The following SERINC5 variants were observed in gnomAD, a reference collection of about 807,000 sequenced individuals.
The protein encoded by SERINC5 is serine incorporator 5, also known as chromosome 5 open reading frame 12.
SERINC5 carries 41 observed loss-of-function variants against 63.1 expected under a neutral mutation model. That is an observed-to-expected ratio of 0.65 (90% confidence interval 0.51 to 0.84). The LOEUF (loss-of-function observed/expected upper bound fraction) is 0.84, where lower values mean the gene tolerates loss of function less well. Ranked by LOEUF, SERINC5 falls within the 40% of genes least tolerant of loss-of-function variation. The pLI is 0.00. For synonymous variants in SERINC5, 222 were observed against 215.2 expected, an observed-to-expected ratio of 1.03 and a Z score of -0.28; for missense variants, 523 against 573.0, an observed-to-expected ratio of 0.91 and a Z score of 0.89.
At chr5:80,170,250 A>G (rs1260015517) in intron 5 of SERINC5, among the ~76,000 whole-genome samples, 4 of 152,346 alleles carry the variant, frequency 2.6e-5, no homozygotes, top group African/African-American at 4.8e-5. Context: ...CTGCAATTCC[A>G]TGGACAGGGA....
chr5:80,207,091 T>C (rs777841390), intron 1 of SERINC5, among the ~76,000 whole-genome samples: 1 of 152,092 alleles, frequency 6.6e-6, no homozygotes, highest in African/African-American at 2.4e-5. Flanking sequence ...CTCCGCCTCC[T>C]GGGTTCACAC....
At chr5:80,132,758 C>T (rs1232617456) in intron 11 of SERINC5, among the ~76,000 whole-genome samples, 1 of 152,118 alleles carries the variant, frequency 6.6e-6, no homozygotes, top group African/African-American at 2.4e-5. Flanking sequence ...AGCCACCGTG[C>T]CTGGCCCTTA....
Position 80,141,297 on chromosome 5 carries a change from C to T in SERINC5, c.*2366G>A. 4 of 985,422 alleles carry T rather than the reference C, an allele frequency of 4.1e-6. No homozygotes were observed. Among genetic ancestry groups the T allele is most frequent in the Non-Finnish European group, 4.8e-6 (4 of 829,946 alleles). 61.0% of individuals were successfully genotyped at this position (985,422 alleles called of 1,614,324 possible). On this transcript the variant is annotated 3_prime_UTR_variant, in exon 12 of 12. Coordinates refer to ENST00000507668, the MANE Select transcript of SERINC5 (RefSeq NM_001174072.3). Reference sequence around the variant, plus strand: ...AAACCAGACTCACGCATCTGGAAAACGTTGTGTGGCTGGGCTGGCTCCAGA... The same window carrying T: ...AAACCAGACTCACGCATCTGGAAAATGTTGTGTGGCTGGGCTGGCTCCAGA...
Position 80,255,951 on chromosome 5 carries a change from G to A in SERINC5, c.-29C>T. ...GGCGGCCAATGCCGAAGGCGCGCTC[G>A]CTGGCTCCCCGCGCCGCACGGGCCC... On this transcript the variant is annotated 5_prime_UTR_variant, in exon 1 of 12. Transcript: ENST00000507668. The A allele has an allele frequency of 1.3e-6, 2 of 1,526,912 alleles. No homozygotes were observed. The highest frequency in any genetic ancestry group is 1.7e-6 in the Non-Finnish European group (2 of 1,145,846). 94.6% of individuals were successfully genotyped at this position (1,526,912 alleles called of 1,614,324 possible).
chr5:80,213,506 G>A (rs1173883075), intron 1 of SERINC5, among the ~76,000 whole-genome samples: 5 of 152,132 alleles, frequency 3.3e-5, no homozygotes, highest in African/African-American at 7.2e-5. Flanking sequence ...TGGCATAAGC[G>A]CATGAACAAG....
chr5:80,211,500 T>G (rs1287740320), intron 1 of SERINC5, among the ~76,000 whole-genome samples: 1 of 152,204 alleles, frequency 6.6e-6, no homozygotes, highest in Non-Finnish European at 1.5e-5. Context: ...TGCCCAAACC[T>G]TGATGAGATC....
At chr5:80,138,468 T>C (rs1242912052), downstream of SERINC5, among the ~76,000 whole-genome samples, 1 of 151,938 alleles carries the variant, frequency 6.6e-6, no homozygotes, top group Non-Finnish European at 1.5e-5. Context: ...TGATAGCACA[T>C]GCCTGTAATC....
intron 11 of SERINC5, among the ~76,000 whole-genome samples, chr5:80,122,914 G>A (rs1408304248): frequency 6.6e-6 from 1 of 152,232 alleles, no homozygotes; most frequent in African/African-American, 2.4e-5. Context: ...AGTGCCTCCA[G>A]GTAAAAGCTC....
chr5:80,232,984 G>A (rs980144808), intron 1 of SERINC5, among the ~76,000 whole-genome samples: 7 of 152,166 alleles, frequency 4.6e-5, no homozygotes, highest in African/African-American at 1.7e-4. Flanking sequence ...AGGGAACTGG[G>A]AGTGACTGCT....
intron 2 of SERINC5, among the ~76,000 whole-genome samples, chr5:80,200,765 T>C (rs1024507810): frequency 2.6e-5 from 4 of 152,064 alleles, no homozygotes; most frequent in South Asian, 2.1e-4. Context: ...GTTAAGAAAA[T>C]GGTTGTTTTG....
chr5:80,161,450 A>T (rs1746915955), intron 7 of SERINC5, among the ~76,000 whole-genome samples: 1 of 152,150 alleles, frequency 6.6e-6, no homozygotes, highest in East Asian at 1.9e-4. Context: ...GATGATTAGC[A>T]ATGTTGAGCA....
In SERINC5 at chr5:80,180,240, T is replaced by C. The variant is rs973177320; in HGVS notation, c.196-2176A>G. Among the ~76,000 whole-genome samples, 62 of 152,168 alleles carry C rather than the reference T, an allele frequency of 4.1e-4. 1 individual carries two copies. The highest frequency in any genetic ancestry group is 4.0e-3 in the Admixed American group (61 of 15,278). ...TCCTAGTAATGTCATAAAATAAGGA[T>C]TTGGTCAGTCATAAAAACTTGCTTC... On this transcript the variant is annotated intron_variant, in intron 2 of 11. Coordinates refer to ENST00000507668, the MANE Select transcript of SERINC5 (RefSeq NM_001174072.3).
At chr5:80,237,491 G>A (rs182775920) in intron 1 of SERINC5, among the ~76,000 whole-genome samples, 77 of 151,816 alleles carry the variant, frequency 5.1e-4, no homozygotes, top group African/African-American at 1.7e-3. Context: ...ACGCCACCAC[G>A]CCCATCTAAT....
At chr5:80,149,222 T>C (rs548201384) in intron 9 of SERINC5, among the ~76,000 whole-genome samples, 9 of 152,318 alleles carry the variant, frequency 5.9e-5, no homozygotes, top group Admixed American at 2.0e-4. Flanking sequence ...AATAGGGACA[T>C]TGAAACCATA....
chr5:80,156,315 T>C (rs1434728229), intron 8 of SERINC5, among the ~76,000 whole-genome samples: 1 of 152,112 alleles, frequency 6.6e-6, no homozygotes, highest in African/African-American at 2.4e-5. Context: ...TCTTCAGAAG[T>C]CCAGATCTGA....
intron 1 of SERINC5, among the ~76,000 whole-genome samples, chr5:80,246,163 T>C (rs557927133): frequency 6.6e-6 from 1 of 152,032 alleles, no homozygotes; most frequent in Non-Finnish European, 1.5e-5. Context: ...TCAATGAGCA[T>C]GGAATCAAGA....
intron 7 of SERINC5, among the ~76,000 whole-genome samples, chr5:80,161,215 C>T (rs1443543392): frequency 2.0e-5 from 3 of 151,924 alleles, no homozygotes; most frequent in Non-Finnish European, 4.4e-5. Flanking sequence ...TGTAGCTACC[C>T]AGTAGTGGGA....
rs1046415607 is a variant in SERINC5, at chr5:80,233,145, G to C, written c.27+22751C>G. Among the ~76,000 whole-genome samples, 3 of 152,286 alleles carry C rather than the reference G, an allele frequency of 2.0e-5. No homozygotes were observed. The East Asian group carries it at 5.8e-4, about 29-fold the overall frequency. On this transcript the variant is annotated intron_variant, in intron 1 of 11. Transcript: ENST00000507668. Reference sequence around the variant, plus strand: ...TTACTTTAGCAATAATTTCTTTAAGGCCGGGTGCAGTGGCTCACGCCTGTA... The same window carrying C: ...TTACTTTAGCAATAATTTCTTTAAGCCCGGGTGCAGTGGCTCACGCCTGTA...
intron 1 of SERINC5, among the ~76,000 whole-genome samples, chr5:80,233,326 C>T (rs1249617656): frequency 6.6e-6 from 1 of 151,386 alleles, no homozygotes; most frequent in African/African-American, 2.4e-5. Context: ...ACTCAGGAGG[C>T]TGAGACAGGA....
Sources: gnomAD v4.1 joint callset for allele counts (sites outside exome capture counted in the v4.1 genomes callset) on GRCh38, gnomAD v4.1.1 for gene constraint, MANE v1.5 for transcripts, NCBI Gene and HGNC (gene_info 2026-07-23, HGNC 2026-07-21) for gene names.